SLCO6A1: variants seen among roughly 807,000 people sequenced by gnomAD.
SLCO6A1 encodes cancer/testis antigen 48.
Under a neutral mutation model 72.7 loss-of-function variants are expected in SLCO6A1, and 65 were observed. That is an observed-to-expected ratio of 0.89 (90% CI 0.73 to 1.10). The LOEUF is 1.10. Ranked by LOEUF, SLCO6A1 falls within the 50% of genes least tolerant of loss-of-function variation. The pLI is 0.00. For missense variants in SLCO6A1, 874 were observed against 872.6 expected (o/e 1.00, Z -0.02); for synonymous variants, 314 against 298.2 (o/e 1.05, Z -0.55).
chr5:102,377,605 T>G (rs1172345100), intron 12 of SLCO6A1, among the ~76,000 whole-genome samples: 1 of 151,530 alleles, frequency 6.6e-6, no homozygotes, highest in Non-Finnish European at 1.5e-5. Flanking sequence ...TACACCTCAG[T>G]TTTTTTTAAT....
At chr5:102,486,271 T>A (rs971787272) in intron 1 of SLCO6A1, among the ~76,000 whole-genome samples, 9 of 152,316 alleles carry the variant, frequency 5.9e-5, no homozygotes, top group African/African-American at 2.2e-4. Flanking sequence ...ATAAATCTTG[T>A]ATGCTACTCA....
At chr5:102,389,875 G>A (rs963852909) in intron 11 of SLCO6A1, among the ~76,000 whole-genome samples, 2 of 151,662 alleles carry the variant, frequency 1.3e-5, no homozygotes, top group Non-Finnish European at 2.9e-5. Context: ...TATCAGCAGA[G>A]TTACCTTTTA....
intron 4 of SLCO6A1, among the ~76,000 whole-genome samples, chr5:102,463,005 A>G (rs1299101782): frequency 1.3e-5 from 2 of 152,226 alleles, no homozygotes; most frequent in Non-Finnish European, 2.9e-5. Flanking sequence ...GTGGGAGAAA[A>G]TATTTGCAAA....
intron 6 of SLCO6A1, among the ~76,000 whole-genome samples, chr5:102,440,386 G>A (rs936498455): frequency 1.3e-5 from 2 of 152,094 alleles, no homozygotes; most frequent in African/African-American, 4.8e-5. Context: ...GCACATGTGA[G>A]GGATTTAGGT....
chr5:102,422,212 T>C (rs765786773), intron 7 of SLCO6A1, among the ~76,000 whole-genome samples: 14 of 152,186 alleles, frequency 9.2e-5, no homozygotes, highest in Non-Finnish European at 1.9e-4. Flanking sequence ...AGAATGCCTC[T>C]TCTCCTCCAA....
intron 7 of SLCO6A1, among the ~76,000 whole-genome samples, chr5:102,426,363 C>T (rs1460276669): frequency 2.0e-5 from 3 of 152,128 alleles, no homozygotes; most frequent in Non-Finnish European, 4.4e-5. Context: ...TTTTTGAAAT[C>T]TATCCATCTG....
Position 102,386,028 on chromosome 5 carries a change from G to T in SLCO6A1, c.2017+2660C>A, listed in dbSNP as rs114518353. On this transcript the variant is annotated intron_variant, in intron 12 of 13. Transcript: ENST00000506729. Reference sequence around the variant, plus strand: ...GGTGTTTTATTGCGTTGCTTTGGTGGTGTCATGTTTTCCTGATTATTTGTA... The same window carrying T: ...GGTGTTTTATTGCGTTGCTTTGGTGTTGTCATGTTTTCCTGATTATTTGTA... 5.5e-3 allele frequency among the ~76,000 whole-genome samples: 837 copies of T among 152,158 alleles called. 4 individuals carry two copies. Among genetic ancestry groups the T allele is most frequent in the African/African-American group, 0.019 (804 of 41,510 alleles).
rs115366208 is a variant in SLCO6A1, at chr5:102,495,003, T to G, written c.358+3484A>C. ...AATATAGAAACAACGCAAATGTCCA[T>G]CAACTACTGAGTGGATATAGTGGAT... On this transcript the variant is annotated intron_variant, in intron 1 of 13. Transcript: ENST00000506729. Among the ~76,000 whole-genome samples, 1,262 of 152,290 alleles carry G rather than the reference T, an allele frequency of 8.3e-3. 12 individuals carry two copies. The highest frequency in any genetic ancestry group is 0.015 in the Non-Finnish European group (1,009 of 68,012).
intron 9 of SLCO6A1, among the ~76,000 whole-genome samples, chr5:102,401,021 T>C (rs1179195473): frequency 1.3e-5 from 2 of 150,676 alleles, no homozygotes; most frequent in East Asian, 2.0e-4. Context: ...ATAAGTGCTA[T>C]GGAGAAAATA....
At chr5:102,434,399 C>T (rs2112664764) in intron 7 of SLCO6A1, among the ~76,000 whole-genome samples, 1 of 152,284 alleles carries the variant, frequency 6.6e-6, no homozygotes, top group East Asian at 1.9e-4. Flanking sequence ...TCATGTAATG[C>T]AACTCATTGT....
At chr5:102,491,580 G>A (rs1752678851) in intron 1 of SLCO6A1, among the ~76,000 whole-genome samples, 1 of 152,252 alleles carries the variant, frequency 6.6e-6, no homozygotes, top group Non-Finnish European at 1.5e-5. Flanking sequence ...CACAACAGCT[G>A]CTGGCCCAGG....
At chr5:102,414,343 T>C (rs1290390272) in intron 8 of SLCO6A1, among the ~76,000 whole-genome samples, 1 of 152,170 alleles carries the variant, frequency 6.6e-6, no homozygotes, top group Non-Finnish European at 1.5e-5. Flanking sequence ...TGCCCACTTT[T>C]AGCAGTCCTA....
intron 1 of SLCO6A1, among the ~76,000 whole-genome samples, chr5:102,496,528 AC>A (rs1752918213): frequency 6.6e-6 from 1 of 152,096 alleles, no homozygotes; most frequent in East Asian, 1.9e-4. Flanking sequence ...CTCATTACCC[AC>A]CTAATAAGGG....
At chr5:102,486,698 GA>G (rs1174324596) in intron 1 of SLCO6A1, among the ~76,000 whole-genome samples, 4 of 151,996 alleles carry the variant, frequency 2.6e-5, no homozygotes, top group Middle Eastern at 3.2e-3. Context: ...ATACAATTAG[GA>G]ATTGTTTGTG....
chr5:102,372,728 G>A (rs1324398749), intron 13 of SLCO6A1, among the ~76,000 whole-genome samples: 1 of 151,060 alleles, frequency 6.6e-6, no homozygotes, highest in East Asian at 1.9e-4. Flanking sequence ...AGAAGTATAT[G>A]AGTATATTGA....
chr5:102,436,053 T>A (rs1749517576), intron 7 of SLCO6A1, among the ~76,000 whole-genome samples: 2 of 152,188 alleles, frequency 1.3e-5, no homozygotes, highest in Non-Finnish European at 2.9e-5. Flanking sequence ...CAAGACATTC[T>A]TTTCTATCCC....
chr5:102,388,504 T>C (rs560759700), intron 12 of SLCO6A1, among the ~76,000 whole-genome samples, 184 bp downstream of exon 12: 2 of 152,116 alleles, frequency 1.3e-5, no homozygotes, highest in South Asian at 4.1e-4. Context: ...TACTCGGCTA[T>C]TTTTTTATTT....
rs572890749 is a variant in SLCO6A1 at position 102,440,281 on chromosome 5, C to T, written c.1132-1520G>A. ...GTCCATTGCCTGTTAGGAAACAAGC[C>T]GTGCAGCAGGAGGTGAGTGGCAGGC... On this transcript the variant is annotated intron_variant, in intron 6 of 13. Transcript: ENST00000506729. 4.6e-5 allele frequency among the ~76,000 whole-genome samples: 7 copies of T among 152,218 alleles called. No homozygotes were observed. The East Asian group carries it at 1.2e-3, about 25-fold the overall frequency.
rs751774068 is a variant in SLCO6A1 at position 102,459,736 on chromosome 5, C to A, written c.941G>T (p.Trp314Leu). 1.9e-6 allele frequency: 3 copies of A among 1,609,100 alleles called. No homozygotes were observed. The highest frequency in any genetic ancestry group is 2.5e-6 in the Non-Finnish European group (3 of 1,177,704). Reference sequence around the variant, plus strand: ...AGCGGCAAAAAGAAAATTAATCCACCAAGTCCATAGCCATTCTGGACTACC... The same window carrying A: ...AGCGGCAAAAAGAAAATTAATCCACAAAGTCCATAGCCATTCTGGACTACC... ...NNGSPEWLWT[W>L]WINFLFAAVV... Residue 314 changes from tryptophan to leucine, a missense_variant, in exon 5 of 14, where the codon TGG becomes TTG. Physicochemically the swap from Trp to Leu is moderately conservative, Grantham distance 61 (BLOSUM62 -2). Coordinates refer to ENST00000506729, the MANE Select transcript of SLCO6A1 (RefSeq NM_173488.5).
Sources: gnomAD v4.1 joint callset for allele counts (sites outside exome capture counted in the v4.1 genomes callset) on GRCh38, gnomAD v4.1.1 for gene constraint, MANE v1.5 for transcripts, NCBI Gene and HGNC (gene_info 2026-07-23, HGNC 2026-07-21) for gene names.